Variants in PRB4 observed in about 807,000 individuals in gnomAD.
The protein encoded by PRB4 is basic salivary proline-rich protein 4.
In PRB4, 14 loss-of-function variants were observed where a neutral mutation model predicts 9.1. The observed-to-expected ratio is 1.54, with a 90% CI of 1.02 to 2.41. The LOEUF (loss-of-function observed/expected upper bound fraction) is 2.41. Among genes scored for constraint, PRB4 ranks in the 30% most tolerant of loss-of-function variants. The probability of loss-of-function intolerance (pLI) is 0.00; values close to 1 mark genes in which losing one functional copy is unlikely to be tolerated. For synonymous variants in PRB4, 102 were observed against 108.5 expected (o/e 0.94, Z 0.37); for missense variants, 381 against 299.3 (o/e 1.27, Z -2.02).
rs574607695 is a variant in PRB4, at chr12:11,308,849, T to C, written c.134A>G (p.Asn45Ser). 13 of 1,590,580 alleles carry C rather than the reference T, an allele frequency of 8.2e-6. No homozygotes were observed. The East Asian group carries it at 2.3e-4, about 28-fold the overall frequency. The change falls in exon 3 of 4, where the codon AAC (asparagine) becomes AGC (serine). Residue 45 changes from asparagine (N) to serine (S), a missense_variant. Asn to Ser is a conservative substitution (Grantham distance 46). Around this residue, in one of 3 missense-constraint regions of PRB4, gnomAD observed 151 missense variants for 105.8 expected, o/e 1.43. Transcript: ENST00000279575. ...KPEGRRPQGG[N>S]QPQRPPPPPG... ...AGGAGGTGGGGGACGTTGGGGCTGG[T>C]TTCCTCCTTGTGGGCGTCGTCCTTC... is the stretch of plus-strand genomic sequence containing the variant.
Position 11,308,888 on chromosome 12 carries a change from G to A in PRB4, c.101-6C>T, listed in dbSNP as rs370039040. 469 of 1,580,250 alleles carry A rather than the reference G, an allele frequency of 3.0e-4. No individual in the cohort carries two copies. Among genetic ancestry groups the A allele is most frequent in the Non-Finnish European group, 3.8e-4 (438 of 1,156,300 alleles). The stretch of plus-strand genomic sequence containing the variant: ...GCGTCGTCCTTCTGGCTTTCCTGGA[G>A]GAGGTGGGGGACATACGGCATTCAC... On this transcript the variant is annotated splice_polypyrimidine_tract_variant and splice_region_variant and intron_variant, in intron 2 of 3. Coordinates refer to ENST00000279575, the MANE Select transcript of PRB4 (RefSeq NM_002723.6).
intron 1 of PRB4, 148 bp from the exon 2 acceptor site, chr12:11,309,553 G>A: frequency 2.0e-6 from 3 of 1,488,972 alleles, no homozygotes; most frequent in Middle Eastern, 1.9e-4. Flanking sequence ...GTGCTGGAAG[G>A]GGTGGAAGGT....
chr12:11,307,914 A>C (rs1208304384), intron 3 of PRB4, among the ~76,000 whole-genome samples: 1 of 152,206 alleles, frequency 6.6e-6, no homozygotes. Flanking sequence ...GAAAACTTTA[A>C]ATGGGAGGTC....
In PRB4 at chr12:11,308,801, G is replaced by A. The variant is rs149417700; in HGVS notation, c.182C>T (p.Pro61Leu). The change falls in exon 3 of 4, where the codon CCC becomes CTC. Residue 61 changes from proline to leucine, a missense_variant. By Grantham distance (98) the Pro-to-Leu change is moderately conservative (BLOSUM62 -3). Around this residue, in one of 3 missense-constraint regions of PRB4, gnomAD observed 151 missense variants for 105.8 expected, o/e 1.43. Coordinates refer to ENST00000279575, the MANE Select transcript of PRB4 (RefSeq NM_002723.6). The stretch of plus-strand genomic sequence containing the variant: ...TTGGGACTGGTTTCCTCCTTGTGGG[G>A]GTGGTCCTTGTGGCTTTCCTGGAGG... ...PPPPGKPQGP[P>L]PQGGNQSQGP... The A allele has an allele frequency of 2.8e-5, 44 of 1,590,596 alleles. No homozygotes were observed. Among genetic ancestry groups the A allele is most frequent in the Middle Eastern group, 1.7e-4 (1 of 5,984 alleles).
At position 11,308,311 on chromosome 12, in the gene PRB4, G is replaced by A. The variant is rs774687047; in HGVS notation, c.672C>T (p.Pro224=). 5 of 1,610,258 alleles carry A rather than the reference G, an allele frequency of 3.1e-6. No homozygotes were observed. The highest frequency in any genetic ancestry group is 3.4e-6 in the Non-Finnish European group (4 of 1,178,056). ...CTTGAGGAGGTGGAGGTGGCCCCTG[G>A]GGCTTTCCAGCAGGAGGTGCCTGAG... ...QQPQAPPAGK[P]QGPPPPPQGG... is the part of the protein sequence containing the mutation. The change falls in exon 3 of 4, where the codon CCC becomes CCT. Residue 224 remains proline (P), a synonymous_variant. Transcript: ENST00000279575.
Position 11,307,139 on chromosome 12 carries a change from A to C in PRB4, c.*79T>G, listed in dbSNP as rs1315140994. The C allele has an allele frequency of 6.5e-6, 1 of 154,252 alleles. No individual in the cohort carries two copies. The highest frequency in any genetic ancestry group is 1.5e-5 in the Non-Finnish European group (1 of 68,044). 9.6% of individuals were successfully genotyped at this position (154,252 alleles called of 1,614,324 possible). ...TTAGAGCTATGATGACCTTGTTCCA[A>C]TGTCACGGCATTTGTAGCAATTGAA... On this transcript the variant is annotated 3_prime_UTR_variant, in exon 4 of 4. Coordinates refer to ENST00000279575, the MANE Select transcript of PRB4 (RefSeq NM_002723.6).
At chr12:11,309,251 G>A in intron 2 of PRB4, 119 bp downstream of exon 2, 1 of 1,528,126 alleles carries the variant, frequency 6.5e-7, no homozygotes, top group Admixed American at 1.7e-5. Context: ...ATATCATTAG[G>A]GGCAATAACA....
At chr12:11,307,598 G>T (rs1042524634) in intron 3 of PRB4, among the ~76,000 whole-genome samples, 19 of 152,130 alleles carry the variant, frequency 1.2e-4, no homozygotes, top group African/African-American at 3.9e-4. Context: ...GGCATTAGTG[G>T]TAGGGTAAAA....
intron 1 of PRB4, among the ~76,000 whole-genome samples, 174 bp from the exon 2 acceptor site, chr12:11,309,579 G>C (rs1863005983): frequency 6.6e-6 from 1 of 152,180 alleles, no homozygotes; most frequent in Non-Finnish European, 1.5e-5. Context: ...AGGAGGCAGG[G>C]TTGTTACCAC....
At chr12:11,309,222 G>C (rs1321875649) in intron 2 of PRB4, 148 bp downstream of exon 2, 27 of 1,395,618 alleles carry the variant, frequency 1.9e-5, no homozygotes, top group Middle Eastern at 3.6e-4. Flanking sequence ...CCAGAATCAA[G>C]TTTGCATGAA....
chr12:11,309,147 C>A (rs1238733468), intron 2 of PRB4, among the ~76,000 whole-genome samples: 1 of 152,126 alleles, frequency 6.6e-6, no homozygotes, highest in Non-Finnish European at 1.5e-5. Context: ...GGGATGTCAA[C>A]CCACTCCTGT....
intron 1 of PRB4, 126 bp downstream of exon 1, chr12:11,310,209 C>G: frequency 8.3e-7 from 1 of 1,210,884 alleles, no homozygotes; most frequent in East Asian, 2.3e-5. Flanking sequence ...CAACAGGTCT[C>G]CTGATCCTAG....
chr12:11,309,076 G>T (rs1862994262), intron 2 of PRB4, among the ~76,000 whole-genome samples, 194 bp from the exon 3 acceptor site: 2 of 152,136 alleles, frequency 1.3e-5, no homozygotes, highest in Non-Finnish European at 1.5e-5. Context: ...GTCTAAGGAG[G>T]AGTCAGAATA....
At chr12:11,309,666 A>T (rs1863007806) in intron 1 of PRB4, among the ~76,000 whole-genome samples, 2 of 152,120 alleles carry the variant, frequency 1.3e-5, no homozygotes, top group South Asian at 4.1e-4. Flanking sequence ...CTTAATGCTT[A>T]TTTAGTTTAT....
rs1355115756 is a variant in PRB4, at chr12:11,310,270, A to T, written c.64+65T>A. The stretch of plus-strand genomic sequence containing the variant: ...GTGTTTTCATTCTCCTCTCTTCCCC[A>T]TAATTACCACTGTCACCTCCTAAGT... On this transcript the variant is annotated intron_variant, in intron 1 of 3. Transcript: ENST00000279575. 3.1e-6 allele frequency: 5 copies of T among 1,594,888 alleles called. No homozygotes were observed. In the Admixed American group the frequency reaches 8.3e-5, roughly 27 times the overall value.
At chr12:11,309,030 A>T in intron 2 of PRB4, 148 bp from the exon 3 acceptor site, 1 of 1,219,492 alleles carries the variant, frequency 8.2e-7, no homozygotes. Context: ...CTGGAGTGGA[A>T]CGCTGGGGGA....
intron 3 of PRB4, among the ~76,000 whole-genome samples, 177 bp from the exon 4 acceptor site, chr12:11,307,376 C>A (rs1405395857): frequency 2.0e-5 from 3 of 152,112 alleles, no homozygotes; most frequent in African/African-American, 7.2e-5. Context: ...GGAACATATT[C>A]TATAATACTG....
At position 11,307,200 on chromosome 12, in the gene PRB4, C is replaced by T. The variant is rs1862932970; in HGVS notation, c.*19-1G>A. On this transcript the variant is annotated splice_acceptor_variant, in intron 3 of 3. Transcript: ENST00000279575. LOFTEE classifies it low-confidence loss of function (3UTR_SPLICE). ...TCACTGATATCTTCTTATTCACTTCCTGAAATAAACAAACAAGCAAGTTCA... is the reference window on the plus strand; with the variant it reads ...TCACTGATATCTTCTTATTCACTTCTTGAAATAAACAAACAAGCAAGTTCA... The T allele has an allele frequency of 6.5e-6, 1 of 152,796 alleles. No homozygotes were observed. Among genetic ancestry groups the T allele is most frequent in the South Asian group, 2.1e-4 (1 of 4,838 alleles). 9.5% of individuals were successfully genotyped at this position (152,796 alleles called of 1,614,324 possible). A position where few individuals can be genotyped will look rare whatever the true frequency, so the allele number is the denominator to read the frequency against.
In PRB4 at chr12:11,308,815, C is replaced by G; in HGVS notation, c.168G>C (p.Lys56Asn). The change falls in exon 3 of 4, where the codon AAG (lysine) becomes AAC (asparagine). Residue 56 changes from lysine (K) to asparagine (N), a missense_variant. By Grantham distance (94) the Lys-to-Asn change is moderately conservative (BLOSUM62 0). This residue lies in a region of PRB4 where 151 missense variants were observed against 105.8 expected (regional missense o/e 1.43). Coordinates refer to ENST00000279575, the MANE Select transcript of PRB4 (RefSeq NM_002723.6). ...QPQRPPPPPG[K>N]PQGPPPQGGN... ...CTCCTTGTGGGGGTGGTCCTTGTGG[C>G]TTTCCTGGAGGAGGTGGGGGACGTT... 6.3e-7 allele frequency: 1 copy of G among 1,594,148 alleles called. No homozygotes were observed. The highest frequency in any genetic ancestry group is 8.6e-7 in the Non-Finnish European group (1 of 1,169,058).
Sources: gnomAD v4.1 joint callset for allele counts (sites outside exome capture counted in the v4.1 genomes callset) on GRCh38, gnomAD v4.1.1 for gene constraint, gnomAD v4.1.1 regional missense constraint, MANE v1.5 for transcripts, NCBI Gene and HGNC (gene_info 2026-07-23, HGNC 2026-07-21) for gene names.